The following ASIC2 variants were observed in gnomAD, a reference collection of about 807,000 sequenced individuals.
ASIC2 encodes acid sensing ion channel subunit 2, also known as acid-sensing ion channel 2.
In ASIC2, 25 loss-of-function variants were observed where a neutral mutation model predicts 57.3. The ratio of observed to expected loss-of-function variants is 0.44; its 90% CI spans 0.32 to 0.61. The LOEUF (loss-of-function observed/expected upper bound fraction) is 0.61. Ranked by LOEUF, ASIC2 falls within the 20% of genes least tolerant of loss-of-function variation. The pLI, the probability that ASIC2 is intolerant of heterozygous loss-of-function variation, is 0.06. For missense variants in ASIC2, 641 were observed against 738.1 expected (o/e 0.87, Z 1.52); for synonymous variants, 319 against 307.5 (o/e 1.04, Z -0.39).
intron 1 of ASIC2, among the ~76,000 whole-genome samples, chr17:33,912,000 C>T (rs908528349): frequency 1.3e-5 from 2 of 151,468 alleles, no homozygotes; most frequent in Admixed American, 6.6e-5. Flanking sequence ...ATTAGTGGGG[C>T]GTGGTGGTGT....
intron 1 of ASIC2, among the ~76,000 whole-genome samples, chr17:33,143,501 T>C (rs1904414785): frequency 6.6e-6 from 1 of 152,180 alleles, no homozygotes; most frequent in Non-Finnish European, 1.5e-5. Context: ...AGAAAAGCTA[T>C]TATTAACCCC....
At chr17:33,622,450 A>T (rs911659951) in intron 1 of ASIC2, among the ~76,000 whole-genome samples, 1 of 152,162 alleles carries the variant, frequency 6.6e-6, no homozygotes. Flanking sequence ...TTGGAAGCTG[A>T]GTGCAAAATA....
At chr17:33,380,116 C>T (rs1250469383) in intron 1 of ASIC2, among the ~76,000 whole-genome samples, 2 of 151,494 alleles carry the variant, frequency 1.3e-5, no homozygotes, top group African/African-American at 2.4e-5. Flanking sequence ...AGTGCTGGCA[C>T]GTGCCTGTAA....
chr17:33,399,859 C>G (rs752097282), intron 1 of ASIC2, among the ~76,000 whole-genome samples: 2 of 152,176 alleles, frequency 1.3e-5, no homozygotes, highest in Non-Finnish European at 2.9e-5. Flanking sequence ...GGCCACCATT[C>G]CACCCTACAT....
At chr17:33,880,145 A>G (rs1914663319) in intron 1 of ASIC2, among the ~76,000 whole-genome samples, 1 of 152,250 alleles carries the variant, frequency 6.6e-6, no homozygotes, top group South Asian at 2.1e-4. Flanking sequence ...TGCCCACAAG[A>G]GAAAGCAGGA....
In ASIC2 at chr17:33,678,693, G is replaced by A. The variant is rs78901529; in HGVS notation, c.555+477285C>T. ...CAGAGGGCGTGTTCCCTGAGGTTCG[G>A]TGAGGAGTTTGGCCCTGTCCAGAAG... On this transcript the variant is annotated intron_variant, in intron 1 of 9. Transcript: ENST00000359872. Among the ~76,000 whole-genome samples, 972 of 152,260 alleles carry A rather than the reference G, an allele frequency of 6.4e-3. 5 individuals carry two copies. Among genetic ancestry groups the A allele is most frequent in the Non-Finnish European group, 0.01 (689 of 68,006 alleles).
At chr17:33,848,248 G>A (rs190262756) in intron 1 of ASIC2, among the ~76,000 whole-genome samples, 5 of 152,258 alleles carry the variant, frequency 3.3e-5, no homozygotes, top group East Asian at 3.9e-4. Context: ...AAGCAGCCAC[G>A]TTTACATTTC....
At chr17:33,624,182 G>A (rs1427879727) in intron 1 of ASIC2, 2 of 152,136 alleles carry the variant, frequency 1.3e-5, no homozygotes, top group South Asian at 2.1e-4. Context: ...ATCCTGCTCT[G>A]GAGAAATGTC....
intron 1 of ASIC2, among the ~76,000 whole-genome samples, chr17:33,954,608 A>G (rs1475590947): frequency 6.6e-6 from 1 of 152,164 alleles, no homozygotes; most frequent in Non-Finnish European, 1.5e-5. Flanking sequence ...TCAAAATTAG[A>G]CATGGGAAAG....
chr17:33,816,562 C>T (rs1417437067), intron 1 of ASIC2, among the ~76,000 whole-genome samples: 1 of 152,176 alleles, frequency 6.6e-6, no homozygotes. Context: ...CTGCAACTAA[C>T]TTTTCTACCC....
At chr17:33,268,156 T>C (rs749951085) in intron 1 of ASIC2, among the ~76,000 whole-genome samples, 2 of 152,142 alleles carry the variant, frequency 1.3e-5, no homozygotes, top group Admixed American at 6.5e-5. Flanking sequence ...CCCCTGTATA[T>C]CATTTCCTGC....
At chr17:33,477,232 T>C (rs1030750219) in intron 1 of ASIC2, among the ~76,000 whole-genome samples, 1 of 152,130 alleles carries the variant, frequency 6.6e-6, no homozygotes, top group Non-Finnish European at 1.5e-5. Context: ...ATCACCAAAT[T>C]TCTCCCCCAA....
chr17:33,745,783 A>T (rs1324885588), intron 1 of ASIC2, among the ~76,000 whole-genome samples: 1 of 152,202 alleles, frequency 6.6e-6, no homozygotes, highest in Admixed American at 6.5e-5. Context: ...AACTTACCTT[A>T]TGGAAAATAC....
intron 2 of ASIC2, among the ~76,000 whole-genome samples, chr17:33,098,751 C>A (rs1427133763): frequency 1.3e-5 from 2 of 151,966 alleles, no homozygotes; most frequent in East Asian, 3.9e-4. Flanking sequence ...AATCTTTTTT[C>A]TTTTTCATTT....
chr17:33,233,090 C>G (rs532906045), intron 1 of ASIC2, among the ~76,000 whole-genome samples: 4 of 152,094 alleles, frequency 2.6e-5, no homozygotes, highest in Non-Finnish European at 5.9e-5. Context: ...CACGTGGAAA[C>G]TGACAGTCTG....
At chr17:33,253,859 T>C (rs1048706971) in intron 1 of ASIC2, among the ~76,000 whole-genome samples, 1 of 152,114 alleles carries the variant, frequency 6.6e-6, no homozygotes, top group African/African-American at 2.4e-5. Context: ...GCCGAGACCA[T>C]CAGACTGGGG....
intron 1 of ASIC2, among the ~76,000 whole-genome samples, chr17:33,725,886 G>A (rs1909542591): frequency 6.6e-6 from 1 of 152,172 alleles, no homozygotes; most frequent in South Asian, 2.1e-4. Flanking sequence ...CCACACGAGG[G>A]CAGCACATCA....
chr17:33,938,101 A>C (rs1300561711), intron 1 of ASIC2, among the ~76,000 whole-genome samples: 1 of 152,158 alleles, frequency 6.6e-6, no homozygotes, highest in Admixed American at 6.5e-5. Flanking sequence ...TTTCTGAGCT[A>C]CCTGAACTTT....
intron 1 of ASIC2, among the ~76,000 whole-genome samples, chr17:34,079,948 A>G (rs1435368304): frequency 1.3e-5 from 2 of 150,862 alleles, no homozygotes; most frequent in African/African-American, 2.5e-5. Context: ...CGGAATTTCT[A>G]TGGAAATCTC....
Sources: gnomAD v4.1 joint callset for allele counts (sites outside exome capture counted in the v4.1 genomes callset) on GRCh38, gnomAD v4.1.1 for gene constraint, MANE v1.5 for transcripts, NCBI Gene and HGNC (gene_info 2026-07-23, HGNC 2026-07-21) for gene names.